Variants in ERI3 observed in about 807,000 individuals in gnomAD.
The protein encoded by ERI3 is ERI1 exoribonuclease family member 3.
Under a neutral mutation model 44.4 loss-of-function variants are expected in ERI3, and 18 were observed. The observed-to-expected ratio is 0.41, with a 90% CI of 0.28 to 0.60. The LOEUF is 0.60. ERI3 is among the 20% of genes least tolerant of loss of function. The pLI is 0.36. For synonymous variants in ERI3, 183 were observed against 164.8 expected, an observed-to-expected ratio of 1.11 and a Z score of -0.84; for missense variants, 294 against 435.5, an observed-to-expected ratio of 0.68 and a Z score of 2.89.
intron 7 of ERI3, among the ~76,000 whole-genome samples, chr1:44,271,374 G>A (rs1205036708): frequency 6.6e-6 from 1 of 152,162 alleles, no homozygotes; most frequent in African/African-American, 2.4e-5. Context: ...CGTCACCTGA[G>A]AATATACTCA....
chr1:44,281,999 G>C (rs2154323149), intron 7 of ERI3, among the ~76,000 whole-genome samples: 1 of 150,620 alleles, frequency 6.6e-6, no homozygotes, highest in African/African-American at 2.4e-5. Context: ...CCCAAGTCCT[G>C]TCTAAGATGA....
At chr1:44,330,334 A>G (rs1224904666) in intron 3 of ERI3, among the ~76,000 whole-genome samples, 1 of 152,158 alleles carries the variant, frequency 6.6e-6, no homozygotes, top group Non-Finnish European at 1.5e-5. Flanking sequence ...ATACACTACA[A>G]CAGAAGTAGA....
Position 44,252,420 on chromosome 1 carries a change from T to C in ERI3, c.832-4382A>G, listed in dbSNP as rs984748163. Among the ~76,000 whole-genome samples the C allele has an allele frequency of 1.4e-4, 21 of 152,362 alleles. No homozygotes were observed. The highest frequency in any genetic ancestry group is 1.0e-3 in the South Asian group (5 of 4,834). On this transcript the variant is annotated intron_variant, in intron 7 of 8. Transcript: ENST00000372257. This position sits in a 1 kb window ranked among gnomAD's most constrained non-coding sequence, Gnocchi z 4.7. ...AGCCATCTGCGACGGGCCTGCCGCA[T>C]AGCCCTGCTGTAGGTGCGGCGGGTG...
chr1:44,320,584 G>A (rs552991195), intron 3 of ERI3, among the ~76,000 whole-genome samples: 158 of 152,292 alleles, frequency 1.0e-3, no homozygotes, highest in Non-Finnish European at 1.7e-3. Context: ...AAGAGAGCAC[G>A]TGCGTACCAG....
In ERI3 at chr1:44,260,304, T is replaced by C. The variant is rs866530342; in HGVS notation, c.832-12266A>G. Among the ~76,000 whole-genome samples, 20 of 152,318 alleles carry C rather than the reference T, an allele frequency of 1.3e-4. 2 individuals carry two copies. The South Asian group carries it at 2.5e-3, about 19-fold the overall frequency. Reference sequence around the variant, plus strand: ...GACCAGTGGCCTCTGGAGCCCAGAATGGTGTGTGTTGCTTCTGATCCTGCC... The same window carrying C: ...GACCAGTGGCCTCTGGAGCCCAGAACGGTGTGTGTTGCTTCTGATCCTGCC... On this transcript the variant is annotated intron_variant, in intron 7 of 8. Coordinates refer to ENST00000372257, the MANE Select transcript of ERI3 (RefSeq NM_024066.3).
chr1:44,319,673 A>G lies in ERI3; in HGVS notation c.561T>C (p.Tyr187=). The change falls in exon 4 of 9, where the codon TAT becomes TAC. Residue 187 remains tyrosine, a synonymous_variant. Coordinates refer to ENST00000372257, the MANE Select transcript of ERI3 (RefSeq NM_024066.3). The stretch of plus-strand genomic sequence containing the variant: ...GCTGTGGATGGACTACAGGCTGGAC[A>G]TACATGTGAAAGGTAGACTCAATCT... ...TMEIESTFHM[Y]VQPVVHPQLT... is the part of the protein sequence containing the mutation. 4 of 1,614,192 alleles carry G rather than the reference A, an allele frequency of 2.5e-6. No individual in the cohort carries two copies. The highest frequency in any genetic ancestry group is 3.4e-6 in the Non-Finnish European group (4 of 1,180,002).
At chr1:44,322,382 G>GC (rs2154329391) in intron 3 of ERI3, among the ~76,000 whole-genome samples, 1 of 142,536 alleles carries the variant, frequency 7.0e-6, no homozygotes, top group African/African-American at 2.6e-5. Context: ...TCGGATCCAC[G>GC]CAAAAAAAAA....
chr1:44,346,801 T>C (rs1257784949), intron 2 of ERI3, among the ~76,000 whole-genome samples: 2 of 152,140 alleles, frequency 1.3e-5, no homozygotes, highest in Non-Finnish European at 2.9e-5. Flanking sequence ...TTTGTAATAA[T>C]AGCTATAATA....
In ERI3 at chr1:44,228,988, C is replaced by A. The variant is rs1217863346; in HGVS notation, c.932-7348G>T. Among the ~76,000 whole-genome samples, 1 of 152,188 alleles carries A rather than the reference C, an allele frequency of 6.6e-6. No individual in the cohort carries two copies. The highest frequency in any genetic ancestry group is 1.5e-5 in the Non-Finnish European group (1 of 68,032). On this transcript the variant is annotated intron_variant, in intron 8 of 8. Coordinates refer to ENST00000372257, the MANE Select transcript of ERI3 (RefSeq NM_024066.3). This position sits in a 1 kb window ranked among gnomAD's most constrained non-coding sequence, Gnocchi z 4.3. Reference sequence around the variant, plus strand: ...AACCACGTTGGGCAGCCAGGGAGGTCCACAAGAGGAGGTGGAGGGTGAATC... The same window carrying A: ...AACCACGTTGGGCAGCCAGGGAGGTACACAAGAGGAGGTGGAGGGTGAATC...
At chr1:44,247,526 C>T (rs1162769030) in intron 8 of ERI3, among the ~76,000 whole-genome samples, 1 of 152,176 alleles carries the variant, frequency 6.6e-6, no homozygotes, top group African/African-American at 2.4e-5. Context: ...AATTCATCTC[C>T]TTAACTCCCA....
In ERI3 at chr1:44,221,498, G is replaced by A. The variant is rs766324498; in HGVS notation, c.*60C>T. On this transcript the variant is annotated 3_prime_UTR_variant, in exon 9 of 9. Transcript: ENST00000372257. The surrounding 1 kb of genome is among the most constrained non-coding windows in gnomAD (Gnocchi z 5.9). Reference sequence around the variant, plus strand: ...CCCTCTTCCCCTCTGGTGAGGGAGAGGAGGATTCTGGGCTGGGCCAAACAG... The same window carrying A: ...CCCTCTTCCCCTCTGGTGAGGGAGAAGAGGATTCTGGGCTGGGCCAAACAG... 106 of 1,350,330 alleles carry A rather than the reference G, an allele frequency of 7.8e-5. No individual in the cohort carries two copies. The highest frequency in any genetic ancestry group is 1.1e-4 in the Non-Finnish European group (102 of 941,522). The allele number at this position is 1,350,330 out of a possible 1,614,324, so 83.6% of individuals were successfully genotyped here.
intron 8 of ERI3, among the ~76,000 whole-genome samples, chr1:44,233,405 C>CTT (rs767308485): frequency 1.1e-4 from 15 of 140,726 alleles, no homozygotes; most frequent in Admixed American, 2.9e-4. Context: ...ATGTCACGTT[C>CTT]TTTTTTTTTT....
intron 6 of ERI3, among the ~76,000 whole-genome samples, chr1:44,302,632 T>C (rs906273204): frequency 6.6e-6 from 1 of 152,220 alleles, no homozygotes; most frequent in African/African-American, 2.4e-5. Context: ...CCTGGCCAAC[T>C]GGGCTCCCAT....
At chr1:44,302,424 T>A (rs779772549) in intron 6 of ERI3, among the ~76,000 whole-genome samples, 1 of 152,200 alleles carries the variant, frequency 6.6e-6, no homozygotes, top group Non-Finnish European at 1.5e-5. Flanking sequence ...GTGATGCAGC[T>A]CAGTGCTGGT....
At chr1:44,342,758 C>T (rs1315713496) in intron 2 of ERI3, among the ~76,000 whole-genome samples, 3 of 134,180 alleles carry the variant, frequency 2.2e-5, no homozygotes, top group Non-Finnish European at 4.7e-5. Flanking sequence ...GCAATCTTCC[C>T]ACTTCAGCCT....
rs796645467 is a variant in ERI3, at chr1:44,296,663, T to C, written c.758+11647A>G. On this transcript the variant is annotated intron_variant, in intron 6 of 8. Coordinates refer to ENST00000372257, the MANE Select transcript of ERI3 (RefSeq NM_024066.3). The stretch of plus-strand genomic sequence containing the variant: ...AATGGCAGAGAGTAAATCAGAAAAA[T>C]AGAGCATCCTTCCACCTTTTAGGGG... 5.3e-5 allele frequency among the ~76,000 whole-genome samples: 8 copies of C among 151,970 alleles called. No individual in the cohort carries two copies. The East Asian group carries it at 5.8e-4, about 11-fold the overall frequency.
intron 4 of ERI3, 121 bp downstream of exon 4, chr1:44,319,507 G>C (rs1029375366): frequency 4.4e-6 from 3 of 680,092 alleles, no homozygotes; most frequent in Non-Finnish European, 7.8e-6. Flanking sequence ...GCTAGGTCTA[G>C]TGTGCACTTG....
chr1:44,296,437 G>C (rs1645613557), intron 6 of ERI3, among the ~76,000 whole-genome samples: 1 of 152,152 alleles, frequency 6.6e-6, no homozygotes, highest in Admixed American at 6.5e-5. Flanking sequence ...ATTATTTACA[G>C]TCCTGACAGT....
At chr1:44,320,785 G>A (rs1271649310) in intron 3 of ERI3, among the ~76,000 whole-genome samples, 1 of 151,886 alleles carries the variant, frequency 6.6e-6, no homozygotes, top group Non-Finnish European at 1.5e-5. Context: ...AAACTGCCCT[G>A]AAAACATCTG....
Sources: gnomAD v4.1 joint callset for allele counts (sites outside exome capture counted in the v4.1 genomes callset) on GRCh38, gnomAD v4.1.1 for gene constraint, Gnocchi (gnomAD v3.1) non-coding constraint, MANE v1.5 for transcripts, NCBI Gene and HGNC (gene_info 2026-07-23, HGNC 2026-07-21) for gene names.